The following TDRD12 variants were observed in gnomAD, a reference collection of about 807,000 sequenced individuals.
TDRD12 encodes the protein tudor domain containing 12, also known as putative ATP-dependent RNA helicase TDRD12.
In TDRD12, 158 loss-of-function variants were observed where a neutral mutation model predicts 133.5. That is an observed-to-expected ratio of 1.18 (90% CI 1.04 to 1.35). The LOEUF (loss-of-function observed/expected upper bound fraction) is 1.35. Ranked by LOEUF, TDRD12 falls within the 40% of genes most tolerant of loss-of-function variation. The pLI is 0.00. For synonymous variants in TDRD12, 460 were observed against 477.9 expected (o/e 0.96, Z 0.49); for missense variants, 1,443 against 1,321.3 (o/e 1.09, Z -1.43).
intron 8 of TDRD12, among the ~76,000 whole-genome samples, chr19:32,758,367 A>G (rs8113692): frequency 6.6e-6 from 1 of 152,180 alleles, no homozygotes; most frequent in East Asian, 1.9e-4. Flanking sequence ...AGGTGGGTAT[A>G]GCAGTGTAGA....
intron 3 of TDRD12, among the ~76,000 whole-genome samples, chr19:32,739,918 ACT>A (rs1969359949): frequency 1.6e-5 from 1 of 61,228 alleles, no homozygotes; most frequent in Non-Finnish European, 3.0e-5. Flanking sequence ...TCTCCTGGGT[ACT>A]CTCTGCATCT....
chr19:32,726,748 AAT>A (rs2145417957), intron 1 of TDRD12, among the ~76,000 whole-genome samples: 1 of 152,208 alleles, frequency 6.6e-6, no homozygotes, highest in East Asian at 1.9e-4. Flanking sequence ...TAAAAAAACA[AAT>A]ATATGTCTTT....
intron 13 of TDRD12, 53 bp downstream of exon 13, chr19:32,791,121 G>A (rs899873692): frequency 6.7e-7 from 1 of 1,496,986 alleles, no homozygotes; most frequent in Non-Finnish European, 8.9e-7. Context: ...TTTTCTAATA[G>A]AGAAGGATTT....
At chr19:32,776,491 G>A (rs1027871612) in intron 10 of TDRD12, among the ~76,000 whole-genome samples, 2 of 152,350 alleles carry the variant, frequency 1.3e-5, no homozygotes, top group African/African-American at 2.4e-5. Flanking sequence ...GCCTCTTCCC[G>A]CTTCTCTGGC....
chr19:32,722,782 C>A (rs1466845210), intron 1 of TDRD12, among the ~76,000 whole-genome samples: 2 of 151,244 alleles, frequency 1.3e-5, no homozygotes, highest in Admixed American at 6.6e-5. Context: ...CGAGTTCAAG[C>A]GATTCTCCTG....
At chr19:32,753,556 T>A (rs1001064607) in intron 6 of TDRD12, among the ~76,000 whole-genome samples, 1 of 151,542 alleles carries the variant, frequency 6.6e-6, no homozygotes, top group African/African-American at 2.4e-5. Flanking sequence ...CAGGCTGGAG[T>A]ACACTGGCGC....
chr19:32,807,514 C>A, intron 21 of TDRD12, 35 bp from the exon 22 acceptor site: 1 of 1,372,840 alleles, frequency 7.3e-7, no homozygotes, highest in Non-Finnish European at 9.7e-7. Flanking sequence ...ACAATTATTA[C>A]TTACTTATGA....
chr19:32,791,688 CA>C (rs1971076912), intron 13 of TDRD12, among the ~76,000 whole-genome samples: 1 of 152,054 alleles, frequency 6.6e-6, no homozygotes. Flanking sequence ...CACCCACAGC[CA>C]GCTTGTATTG....
In TDRD12 at chr19:32,750,083, CAAGAAATTATT is replaced by C. The variant is rs371156046; in HGVS notation, c.582+215_582+225del. 8.4e-3 allele frequency among the ~76,000 whole-genome samples: 1,281 copies of C among 152,218 alleles called. 11 individuals are homozygous for C. The highest frequency in any genetic ancestry group is 0.026 in the African/African-American group (1,085 of 41,534). ...CTTTGGCATTTTATTTAAACATGGT[CAAGAAATTATT>C]CCTATAGTGATGAGCATGAAATGTT... is the stretch of plus-strand genomic sequence containing the variant. On this transcript the variant is annotated intron_variant, in intron 6 of 27. Coordinates refer to ENST00000444215, the Ensembl canonical transcript of TDRD12.
intron 26 of TDRD12, among the ~76,000 whole-genome samples, chr19:32,817,769 G>A (rs59004648): frequency 0.042 from 6,338 of 150,930 alleles, 293 homozygotes; most frequent in East Asian, 0.27. Flanking sequence ...GACCCCGCCC[G>A]AGGTGCAAAC....
chr19:32,725,327 GT>G (rs536531960), intron 1 of TDRD12, among the ~76,000 whole-genome samples: 306 of 147,752 alleles, frequency 2.1e-3, no homozygotes, highest in African/African-American at 5.4e-3. Flanking sequence ...TTTTTCTAGG[GT>G]TTTTTTTTTA....
chr19:32,743,898 G>C (rs1246236052), intron 4 of TDRD12, among the ~76,000 whole-genome samples: 3 of 151,590 alleles, frequency 2.0e-5, no homozygotes, highest in Non-Finnish European at 4.4e-5. Flanking sequence ...CGTGGTGGTA[G>C]GCATCTGTAA....
At chr19:32,823,673 G>A (rs1012547614), downstream of TDRD12, among the ~76,000 whole-genome samples, 3 of 152,196 alleles carry the variant, frequency 2.0e-5, no homozygotes, top group Admixed American at 2.0e-4. Flanking sequence ...AGCTGGTTTC[G>A]CTGTGTGGGA....
Position 32,802,651 on chromosome 19 carries a change from T to A in TDRD12, c.2198-5T>A. The A allele has an allele frequency of 6.5e-7, 1 of 1,535,832 alleles. No homozygotes were observed. The highest frequency in any genetic ancestry group is 8.7e-7 in the Non-Finnish European group (1 of 1,146,798). ...GTGTGACATTGTCGGACTCCCTCTCTGCAGCCCTCACAGACGACTGCGTCC... is the reference window on the plus strand; with the variant it reads ...GTGTGACATTGTCGGACTCCCTCTCAGCAGCCCTCACAGACGACTGCGTCC... On this transcript the variant is annotated splice_region_variant and splice_polypyrimidine_tract_variant and intron_variant, in intron 19 of 27. Transcript: ENST00000444215.
intron 1 of TDRD12, among the ~76,000 whole-genome samples, chr19:32,730,775 G>T (rs1402534328): frequency 3.3e-5 from 5 of 152,154 alleles, no homozygotes; most frequent in Non-Finnish European, 7.4e-5. Flanking sequence ...CAGCACTTTG[G>T]GAGGCTGAGA....
chr19:32,790,157 G>GT (rs1170456735), intron 11 of TDRD12, among the ~76,000 whole-genome samples: 1 of 152,200 alleles, frequency 6.6e-6, no homozygotes, highest in Non-Finnish European at 1.5e-5. Context: ...CCTTACCCAT[G>GT]TTGGGGTTGG....
intron 15 of TDRD12, 101 bp from the exon 16 acceptor site, chr19:32,798,207 C>A: frequency 2.5e-6 from 3 of 1,185,810 alleles, no homozygotes; most frequent in Non-Finnish European, 3.5e-6. Flanking sequence ...TGTTTTACTT[C>A]ATTAGAAGGC....
intron 4 of TDRD12, 23 bp from the exon 5 acceptor site, chr19:32,748,453 G>A: frequency 1.9e-6 from 3 of 1,548,790 alleles, no homozygotes; most frequent in Non-Finnish European, 2.6e-6. Flanking sequence ...ATGTAATGGA[G>A]TTGCATCTGT....
chr19:32,814,657 A>G (rs1967115303), intron 25 of TDRD12, among the ~76,000 whole-genome samples: 1 of 152,192 alleles, frequency 6.6e-6, no homozygotes, highest in Admixed American at 6.5e-5. Context: ...AGATTGAAGT[A>G]AAAAAGAAAG....
Sources: gnomAD v4.1 joint callset for allele counts (sites outside exome capture counted in the v4.1 genomes callset) on GRCh38, gnomAD v4.1.1 for gene constraint, MANE v1.5 for transcripts, NCBI Gene and HGNC (gene_info 2026-07-23, HGNC 2026-07-21) for gene names.